The following LAMA3 variants were observed in gnomAD, a reference collection of about 807,000 sequenced individuals.
The protein encoded by LAMA3 is laminin subunit alpha 3.
LAMA3 carries 281 observed loss-of-function variants against 402.0 expected under a neutral mutation model. That is an observed-to-expected ratio of 0.70 (90% CI 0.63 to 0.77). LAMA3 has a LOEUF of 0.77. LAMA3 is among the 30% of genes least tolerant of loss of function. The pLI is 0.00. For synonymous variants in LAMA3, 1,431 were observed against 1,558.4 expected (o/e 0.92, Z 1.93); for missense variants, 3,840 against 4,215.5 (o/e 0.91, Z 2.47).
In LAMA3 at chr18:23,907,890, C is replaced by T. The variant is rs1385949530; in HGVS notation, c.6970C>T (p.Gln2324Ter). 6.2e-7 allele frequency: 1 copy of T among 1,613,972 alleles called. No individual in the cohort carries two copies. Among genetic ancestry groups the T allele is most frequent in the Non-Finnish European group, 8.5e-7 (1 of 1,180,014 alleles). The change falls in exon 54 of 75, where the codon CAG (glutamine) becomes TAG (stop). Residue 2324 changes from glutamine to a stop codon, truncating the protein, a stop_gained. Transcript: ENST00000313654. LOFTEE classifies it high-confidence loss of function. ...AATTAAGGACACCTATGGGAGGACA[C>T]AGAACGAAGACTTCAAAAAGGCTCT... ...ERIKDTYGRTQNEDFKKALTD... is the reference protein window; with the variant it reads ...ERIKDTYGRT
intron 4 of LAMA3, 36 bp from the exon 5 acceptor site, chr18:23,750,882 A>G: frequency 6.2e-7 from 1 of 1,612,418 alleles, no homozygotes; most frequent in Non-Finnish European, 8.5e-7. Context: ...GATAAAAGGA[A>G]CTTTTTCCCC....
At position 23,929,773 on chromosome 18, in the gene LAMA3, A is replaced by G. The variant is rs11875008; in HGVS notation, c.8436+1008A>G. Among the ~76,000 whole-genome samples, 143 of 152,350 alleles carry G rather than the reference A, an allele frequency of 9.4e-4. 1 individual carries two copies. Among genetic ancestry groups the G allele is most frequent in the Middle Eastern group, 6.8e-3 (2 of 294 alleles). ...CTTAGACTATAGGGGTGGCTTTTCC[A>G]TGAAAGCAGGATGTTTTGATCTAGC... On this transcript the variant is annotated intron_variant, in intron 64 of 74. Coordinates refer to ENST00000313654, the MANE Select transcript of LAMA3 (RefSeq NM_198129.4).
intron 37 of LAMA3, among the ~76,000 whole-genome samples, chr18:23,870,101 G>A (rs1187862096): frequency 4.6e-5 from 7 of 152,088 alleles, no homozygotes; most frequent in Non-Finnish European, 8.8e-5. Context: ...TCAGGAGTTC[G>A]AGACCAGCCT....
At chr18:23,896,599 C>A (rs1332750351) in intron 44 of LAMA3, among the ~76,000 whole-genome samples, 1 of 151,926 alleles carries the variant, frequency 6.6e-6, no homozygotes, top group African/African-American at 2.4e-5. Context: ...AGTAATAGAA[C>A]CTATTTCCCT....
intron 11 of LAMA3, among the ~76,000 whole-genome samples, chr18:23,783,443 G>T (rs1403059502): frequency 6.6e-6 from 1 of 152,208 alleles, no homozygotes; most frequent in African/African-American, 2.4e-5. Flanking sequence ...ATGAGAAAGA[G>T]CTGGCTGTGC....
chr18:23,939,497 C>A, intron 68 of LAMA3, 111 bp downstream of exon 68: 1 of 1,182,000 alleles, frequency 8.5e-7, no homozygotes, highest in Non-Finnish European at 1.3e-6. Context: ...ATGAAGGTGG[C>A]ACTACCATTT....
chr18:23,939,210 T>G lies in LAMA3; in HGVS notation c.8863-13T>G. 6.2e-7 allele frequency: 1 copy of G among 1,613,346 alleles called. No individual in the cohort carries two copies. Among genetic ancestry groups the G allele is most frequent in the African/African-American group, 1.3e-5 (1 of 75,046 alleles). ...CTTTCCCCTGATAATTGTGTTGCTC[T>G]TTTCCCATGCAGCTGTTGCAGGACA... On this transcript the variant is annotated splice_polypyrimidine_tract_variant and intron_variant, in intron 67 of 74. Coordinates refer to ENST00000313654, the MANE Select transcript of LAMA3 (RefSeq NM_198129.4).
chr18:23,914,576 G>A lies in LAMA3; in HGVS notation c.7481+15G>A. The A allele has an allele frequency of 6.2e-7, 1 of 1,613,054 alleles. No homozygotes were observed. Among genetic ancestry groups the A allele is most frequent in the Non-Finnish European group, 8.5e-7 (1 of 1,179,192 alleles). ...AAATTTCAGAGGTACAAGTCTGATT[G>A]ACTGTACCTGTGCTCACCAAACTTC... On this transcript the variant is annotated intron_variant, in intron 57 of 74. Coordinates refer to ENST00000313654, the MANE Select transcript of LAMA3 (RefSeq NM_198129.4).
chr18:23,849,499 A>C (rs576180014), intron 32 of LAMA3, among the ~76,000 whole-genome samples: 2 of 152,322 alleles, frequency 1.3e-5, no homozygotes, highest in East Asian at 3.9e-4. Context: ...GTCAACAATA[A>C]ATCGCTGCAA....
intron 21 of LAMA3, among the ~76,000 whole-genome samples, chr18:23,826,309 G>A (rs763342031): frequency 1.3e-5 from 2 of 152,308 alleles, no homozygotes; most frequent in South Asian, 4.1e-4. Flanking sequence ...AGCGTTACTC[G>A]GGTGTGGGAG....
chr18:23,894,950 C>T lies in LAMA3; in HGVS notation c.5505C>T (p.Thr1835=). 6.2e-7 allele frequency: 1 copy of T among 1,614,204 alleles called. No homozygotes were observed. The highest frequency in any genetic ancestry group is 8.5e-7 in the Non-Finnish European group (1 of 1,180,042). Residue 1835 remains threonine, a synonymous_variant, in exon 44 of 75, where the codon ACC becomes ACT. Transcript: ENST00000313654. ...TGACCCTCCTGAACGACCTGGCCAC[C>T]ATGGGCGAGCAGCTCCGCCTGGTCA... The part of the protein sequence containing the change: ...CVMTLLNDLA[T]MGEQLRLVKS...
Position 23,861,737 on chromosome 18 carries a change from A to T in LAMA3, c.4514A>T (p.Asp1505Val). The T allele has an allele frequency of 6.2e-7, 1 of 1,614,016 alleles. No homozygotes were observed. The highest frequency in any genetic ancestry group is 1.3e-5 in the African/African-American group (1 of 75,012). Residue 1505 changes from aspartate to valine, a missense_variant, in exon 35 of 75, where the codon GAT becomes GTT. Asp to Val is a radical substitution (Grantham distance 152). Around this residue, in one of 3 missense-constraint regions of LAMA3, gnomAD observed 2,109 missense variants for 2,376.0 expected, o/e 0.89. Coordinates refer to ENST00000313654, the MANE Select transcript of LAMA3 (RefSeq NM_198129.4). ...FNPGSNSMVADLQELPATIHS... is the reference protein window; with the variant it reads ...FNPGSNSMVAVLQELPATIHS... Reference sequence around the variant, plus strand: ...CCAGGCAGCAACAGTATGGTGGCGGATCTCCAGGAGCTGCCCGCAACCATC... The same window carrying T: ...CCAGGCAGCAACAGTATGGTGGCGGTTCTCCAGGAGCTGCCCGCAACCATC...
At chr18:23,864,250 A>G (rs1013014202) in intron 35 of LAMA3, among the ~76,000 whole-genome samples, 2 of 150,032 alleles carry the variant, frequency 1.3e-5, no homozygotes, top group Non-Finnish European at 3.0e-5. Flanking sequence ...TAAAAGAGAC[A>G]GGGTCTTGCC....
At chr18:23,887,241 ATG>A in intron 41 of LAMA3, among the ~76,000 whole-genome samples, 1 of 152,260 alleles carries the variant, frequency 6.6e-6, no homozygotes, top group East Asian at 1.9e-4. Flanking sequence ...ATAGCGAGAG[ATG>A]GGAGAACTGG....
intron 2 of LAMA3, among the ~76,000 whole-genome samples, chr18:23,737,098 C>T (rs1188919573): frequency 6.6e-6 from 1 of 151,880 alleles, no homozygotes. Flanking sequence ...GTGCCCAGAG[C>T]CAAGACTGCT....
At chr18:23,781,623 G>T (rs1170605271) in intron 11 of LAMA3, among the ~76,000 whole-genome samples, 2 of 152,192 alleles carry the variant, frequency 1.3e-5, no homozygotes, top group African/African-American at 2.4e-5. Flanking sequence ...GCACTACATT[G>T]TGGGACCCTG....
At chr18:23,727,103 T>A (rs2061313185) in intron 2 of LAMA3, among the ~76,000 whole-genome samples, 1 of 152,236 alleles carries the variant, frequency 6.6e-6, no homozygotes, top group South Asian at 2.1e-4. Context: ...GTCCCATTTA[T>A]ATATTATTGT....
chr18:23,878,910 T>G (rs2064809580), intron 39 of LAMA3, among the ~76,000 whole-genome samples: 1 of 152,026 alleles, frequency 6.6e-6, no homozygotes, highest in Non-Finnish European at 1.5e-5. Context: ...GATGATGGCC[T>G]CCTCCTATGT....
intron 24 of LAMA3, among the ~76,000 whole-genome samples, chr18:23,835,208 C>A (rs1004191807): frequency 1.3e-5 from 2 of 152,210 alleles, no homozygotes; most frequent in Non-Finnish European, 2.9e-5. Flanking sequence ...CATTTGTCCA[C>A]GCCCACCCAC....
Sources: gnomAD v4.1 joint callset for allele counts (sites outside exome capture counted in the v4.1 genomes callset) on GRCh38, gnomAD v4.1.1 for gene constraint, gnomAD v4.1.1 regional missense constraint, MANE v1.5 for transcripts, NCBI Gene and HGNC (gene_info 2026-07-23, HGNC 2026-07-21) for gene names.